Variants in DYNC2I1 observed in about 807,000 individuals in gnomAD.
The protein encoded by DYNC2I1 is cytoplasmic dynein 2 intermediate chain 1.
Under a neutral mutation model 133.4 loss-of-function variants are expected in DYNC2I1, and 89 were observed. The observed-to-expected ratio is 0.67, with a 90% CI of 0.56 to 0.80. The LOEUF is 0.80. Ranked by LOEUF, DYNC2I1 falls within the 30% of genes least tolerant of loss-of-function variation. The pLI is 0.00. For missense variants in DYNC2I1, 1,291 were observed against 1,314.5 expected (o/e 0.98, Z 0.28); for synonymous variants, 504 against 484.3 (o/e 1.04, Z -0.54).
At chr7:158,908,776 C>T (rs923238375) in intron 11 of DYNC2I1, among the ~76,000 whole-genome samples, 4 of 152,226 alleles carry the variant, frequency 2.6e-5, no homozygotes, top group African/African-American at 4.8e-5. Context: ...GAGCCATGGC[C>T]GGCCTGCTGG....
In DYNC2I1 at chr7:158,902,423, C is replaced by T. The variant is rs1399709811; in HGVS notation, c.1185C>T (p.Ser395=). The change falls in exon 10 of 25, where the codon AGC becomes AGT. Residue 395 remains serine, a synonymous_variant. Transcript: ENST00000407559. The part of the protein sequence containing the change: ...FEVCDGDDDE[S]SNEPESREKL... ...TTTGTGATGGTGATGATGATGAAAG[C>T]AGTAATGAACCTGAGTCAAGAGAAA... The T allele has an allele frequency of 6.2e-7, 1 of 1,613,682 alleles. No homozygotes were observed. Among genetic ancestry groups the T allele is most frequent in the East Asian group, 2.2e-5 (1 of 44,886 alleles).
chr7:158,899,459 C>T (rs1309541887), intron 8 of DYNC2I1, among the ~76,000 whole-genome samples: 1 of 152,056 alleles, frequency 6.6e-6, no homozygotes, highest in Non-Finnish European at 1.5e-5. Flanking sequence ...GAGTTATTTC[C>T]CTTTACTTAT....
chr7:158,871,294 C>T lies in DYNC2I1; in HGVS notation c.222C>T (p.His74=), dbSNP rs1156489144. Residue 74 remains histidine (H), a synonymous_variant, in exon 3 of 25, where the codon CAC becomes CAT. Transcript: ENST00000407559. ...GCAGAGACAGGGTGGCCGAAGTCCA[C>T]ACCGCTAAGGAGAGTCCTCGTGGGG... The part of the protein sequence containing the change: ...ARSRDRVAEV[H]TAKESPRGER... The T allele has an allele frequency of 6.3e-7, 1 of 1,582,696 alleles. No individual in the cohort carries two copies. The highest frequency in any genetic ancestry group is 1.3e-5 in the African/African-American group (1 of 74,224).
intron 3 of DYNC2I1, among the ~76,000 whole-genome samples, chr7:158,872,159 TA>T (rs1020571300): frequency 2.1e-4 from 32 of 151,512 alleles, no homozygotes; most frequent in African/African-American, 6.5e-4. Flanking sequence ...CTACAAAAAA[TA>T]AAAAAATTAG....
At chr7:158,865,162 G>A (rs1423569502) in intron 1 of DYNC2I1, among the ~76,000 whole-genome samples, 1 of 152,194 alleles carries the variant, frequency 6.6e-6, no homozygotes, top group African/African-American at 2.4e-5. Flanking sequence ...GTGAGGTTTT[G>A]GCTTCACCAC....
At position 158,862,671 on chromosome 7, in the gene DYNC2I1, G is replaced by T. The variant is rs563620754; in HGVS notation, c.15+5921G>T. ...GGAGGTCAAGGCTGTAGTGAGCTATGATAGCACTGTGTCCGGAGTTGGTTC... is the reference window on the plus strand; with the variant it reads ...GGAGGTCAAGGCTGTAGTGAGCTATTATAGCACTGTGTCCGGAGTTGGTTC... On this transcript the variant is annotated intron_variant, in intron 1 of 24. Transcript: ENST00000407559. Among the ~76,000 whole-genome samples, 5 of 151,980 alleles carry T rather than the reference G, an allele frequency of 3.3e-5. No individual in the cohort carries two copies. In the South Asian group the frequency reaches 1.0e-3, roughly 32 times the overall value.
intron 17 of DYNC2I1, among the ~76,000 whole-genome samples, chr7:158,924,013 G>A (rs1041123659): frequency 6.6e-6 from 1 of 152,118 alleles, no homozygotes; most frequent in African/African-American, 2.4e-5. Context: ...GTAGCTTGAG[G>A]CATCTTGGCA....
chr7:158,904,863 C>T (rs894054544), intron 10 of DYNC2I1: 1 of 232,826 alleles, frequency 4.3e-6, no homozygotes. Context: ...CATTGCTGGC[C>T]GTAAAGCTTT....
At chr7:158,840,020 G>A in the DYNC2I1 span, among the ~76,000 whole-genome samples, 71 of 152,146 alleles carry the variant, frequency 4.7e-4, 1 homozygote, top group Admixed American at 1.5e-3. Flanking sequence ...TTACTGTGTC[G>A]TCCAGGCTGG....
At position 158,916,689 on chromosome 7, in the gene DYNC2I1, A is replaced by T. The variant is rs1417520669; in HGVS notation, c.1792-2051A>T. Among the ~76,000 whole-genome samples the T allele has an allele frequency of 5.5e-5, 4 of 72,798 alleles. 1 individual carries two copies. Among genetic ancestry groups the T allele is most frequent in the African/African-American group, 9.6e-5 (2 of 20,828 alleles). The allele number at this position is 72,798 out of a possible 152,430, so 47.8% of individuals were successfully genotyped here. On this transcript the variant is annotated intron_variant, in intron 14 of 24. Coordinates refer to ENST00000407559, the MANE Select transcript of DYNC2I1 (RefSeq NM_018051.5). ...AAACCTCGACACGGTGGTTGAGATTAAGGATGATTGTGAAACGTCTGCACG... is the reference window on the plus strand; with the variant it reads ...AAACCTCGACACGGTGGTTGAGATTTAGGATGATTGTGAAACGTCTGCACG...
chr7:158,911,723 G>A (rs2129484758), intron 12 of DYNC2I1, 44 bp downstream of exon 12: 2 of 1,568,168 alleles, frequency 1.3e-6, no homozygotes, highest in East Asian at 2.3e-5. Flanking sequence ...TGCAAGTAAA[G>A]TCTAGTAGGA....
chr7:158,871,785 C>G lies in DYNC2I1; in HGVS notation c.490+223C>G, dbSNP rs375674985. Reference sequence around the variant, plus strand: ...TCCTGGGCTCAAGGGATCCTCCCACCGCAGCCTCCCAAAGGACTGGCATTA... The same window carrying G: ...TCCTGGGCTCAAGGGATCCTCCCACGGCAGCCTCCCAAAGGACTGGCATTA... On this transcript the variant is annotated intron_variant, in intron 3 of 24. Transcript: ENST00000407559. 1.3e-4 allele frequency among the ~76,000 whole-genome samples: 20 copies of G among 152,322 alleles called. No individual in the cohort carries two copies. The East Asian group carries it at 3.9e-3, about 29-fold the overall frequency.
At chr7:158,952,688 A>G (rs1852088914) in intron 4 of DYNC2I1, among the ~76,000 whole-genome samples, 1 of 152,098 alleles carries the variant, frequency 6.6e-6, no homozygotes, top group Non-Finnish European at 1.5e-5. Flanking sequence ...GACAGGGAGA[A>G]AAGGAGGGTG....
chr7:158,956,697 T>C (rs999456423), exon 5 of DYNC2I1: 8 of 152,358 alleles, frequency 5.3e-5, no homozygotes, highest in Non-Finnish European at 7.3e-5. Context: ...AGTCGCCGAC[T>C]GCTTCAGATC....
Position 158,941,582 on chromosome 7 carries a change from C to T in DYNC2I1, c.2779-343C>T, listed in dbSNP as rs74303890. Among the ~76,000 whole-genome samples the T allele has an allele frequency of 0.012, 1,867 of 151,998 alleles. 69 individuals carry two copies. In the East Asian group the frequency reaches 0.13, roughly 10 times the overall value. Reference sequence around the variant, plus strand: ...TTCTCTGGCTGCTGAGATCAAGTTACGAAAAAAACAAAAAAGAGGCTGGGC... The same window carrying T: ...TTCTCTGGCTGCTGAGATCAAGTTATGAAAAAAACAAAAAAGAGGCTGGGC... On this transcript the variant is annotated intron_variant, in intron 23 of 24. Transcript: ENST00000407559.
chr7:158,932,744 G>A (rs1034628116), intron 21 of DYNC2I1, among the ~76,000 whole-genome samples: 3 of 152,164 alleles, frequency 2.0e-5, no homozygotes, highest in African/African-American at 7.2e-5. Context: ...TGGAGTGACT[G>A]ACATGAACAA....
Position 158,856,748 on chromosome 7 carries a change from A to C in DYNC2I1, c.13A>C (p.Lys5Gln). The change falls in exon 1 of 25, where the codon AAG becomes CAG. Residue 5 changes from lysine (K) to glutamine (Q), a missense_variant and splice_region_variant. Lys to Gln is a moderately conservative substitution (Grantham distance 53). Coordinates refer to ENST00000407559, the MANE Select transcript of DYNC2I1 (RefSeq NM_018051.5). ...CCTGCGGGAAGCGATGGAGCCCGGG[A>C]AGGTCGGTGCGGCGCTGGGTCTGGG... is the stretch of plus-strand genomic sequence containing the variant. MEPG[K>Q]RRTKDDTWKA... 1 of 1,234,712 alleles carries C rather than the reference A, an allele frequency of 8.1e-7. No individual in the cohort carries two copies. The highest frequency in any genetic ancestry group is 3.2e-5 in the East Asian group (1 of 31,614). 76.5% of individuals were successfully genotyped at this position (1,234,712 alleles called of 1,614,324 possible).
chr7:158,880,503 T>G (rs1843891807), intron 5 of DYNC2I1, among the ~76,000 whole-genome samples: 1 of 152,070 alleles, frequency 6.6e-6, no homozygotes, highest in Non-Finnish European at 1.5e-5. Flanking sequence ...TAGGTTGCAG[T>G]GAGCTGAGAT....
chr7:158,905,677 T>A (rs1428627609), intron 10 of DYNC2I1, among the ~76,000 whole-genome samples: 4 of 152,242 alleles, frequency 2.6e-5, no homozygotes, highest in Non-Finnish European at 5.9e-5. Flanking sequence ...ATCTTTGTTT[T>A]TTTTGCAGAA....
Sources: gnomAD v4.1 joint callset for allele counts (sites outside exome capture counted in the v4.1 genomes callset) on GRCh38, gnomAD v4.1.1 for gene constraint, MANE v1.5 for transcripts, NCBI Gene and HGNC (gene_info 2026-07-23, HGNC 2026-07-21) for gene names.